Variants in DNAH9 observed in about 807,000 individuals in gnomAD.
DNAH9 encodes dynein axonemal heavy chain 9.
Under a neutral mutation model 471.6 loss-of-function variants are expected in DNAH9, and 345 were observed. The ratio of observed to expected loss-of-function variants is 0.73; its 90% CI spans 0.67 to 0.80. DNAH9 has a LOEUF of 0.80. Among genes scored for constraint, DNAH9 ranks in the 30% least tolerant of loss-of-function variants. DNAH9 has a pLI of 0.00. For missense variants in DNAH9, 5,407 were observed against 5,609.2 expected (o/e 0.96, Z 1.15); for synonymous variants, 2,093 against 2,123.6 (o/e 0.99, Z 0.40).
intron 50 of DNAH9, among the ~76,000 whole-genome samples, chr17:11,861,931 A>T (rs1262953589): frequency 6.6e-6 from 1 of 151,584 alleles, no homozygotes; most frequent in Non-Finnish European, 1.5e-5. Context: ...GCCCTTTGTC[A>T]GATGAGTAGG....
chr17:11,858,961 G>GGT (rs1971723108), intron 50 of DNAH9, among the ~76,000 whole-genome samples: 3 of 151,722 alleles, frequency 2.0e-5, no homozygotes, highest in Admixed American at 2.0e-4. Flanking sequence ...GTACATGCCT[G>GGT]TAATCTCAGC....
At chr17:11,663,298 A>T (rs552161548) in intron 14 of DNAH9, among the ~76,000 whole-genome samples, 1 of 152,346 alleles carries the variant, frequency 6.6e-6, no homozygotes, top group Non-Finnish European at 1.5e-5. Flanking sequence ...TTCCTCAGTC[A>T]GACTCAAGAG....
intron 64 of DNAH9, among the ~76,000 whole-genome samples, chr17:11,933,134 CTTTG>C (rs1974576134): frequency 6.6e-6 from 1 of 152,122 alleles, no homozygotes; most frequent in Non-Finnish European, 1.5e-5. Flanking sequence ...AACTTGTGGG[CTTTG>C]TTTATTCCCT....
chr17:11,893,173 C>G (rs889448509), intron 58 of DNAH9, among the ~76,000 whole-genome samples: 2 of 47,530 alleles, frequency 4.2e-5, no homozygotes, highest in Non-Finnish European at 1.2e-4. Flanking sequence ...ACAGCTTGGC[C>G]TTTGCAAAAA....
chr17:11,651,314 G>C lies in DNAH9; in HGVS notation c.2343G>C (p.Trp781Cys). ...GAGCAGCAGAGGAGACTTTGAACTG[G>C]AAAACAGAAGGTAACAGGGCACCAT... ...RLRAAEETLNWKTEGICDYVT... is the reference protein window; with the variant it reads ...RLRAAEETLNCKTEGICDYVT... Residue 781 changes from tryptophan (W) to cysteine (C), a missense_variant, in exon 13 of 69, where the codon TGG becomes TGC. By Grantham distance (215) the Trp-to-Cys change is radical (BLOSUM62 -2). Coordinates refer to ENST00000262442, the MANE Select transcript of DNAH9 (RefSeq NM_001372.4). The C allele has an allele frequency of 6.2e-7, 1 of 1,612,606 alleles. No homozygotes were observed. The highest frequency in any genetic ancestry group is 8.5e-7 in the Non-Finnish European group (1 of 1,179,526).
chr17:11,969,559 G>T lies in DNAH9; in HGVS notation c.*32G>T, dbSNP rs1364655836. Reference sequence around the variant, plus strand: ...GCAGAGCCACCGAGAAAATAAAAAAGCTGGGCTTGGAGGCTGCCTAGAGGG... The same window carrying T: ...GCAGAGCCACCGAGAAAATAAAAAATCTGGGCTTGGAGGCTGCCTAGAGGG... On this transcript the variant is annotated 3_prime_UTR_variant, in exon 69 of 69. Transcript: ENST00000262442. The T allele has an allele frequency of 1.3e-6, 2 of 1,556,842 alleles. No individual in the cohort carries two copies. Among genetic ancestry groups the T allele is most frequent in the Non-Finnish European group, 1.7e-6 (2 of 1,155,742 alleles).
At chr17:11,857,617 A>G (rs1238974343) in intron 50 of DNAH9, among the ~76,000 whole-genome samples, 1 of 152,252 alleles carries the variant, frequency 6.6e-6, no homozygotes, top group Non-Finnish European at 1.5e-5. Flanking sequence ...GACAGATTTC[A>G]GTTTGATTAC....
chr17:11,789,529 T>C (rs544973014), intron 41 of DNAH9, among the ~76,000 whole-genome samples: 5 of 152,166 alleles, frequency 3.3e-5, no homozygotes, highest in Admixed American at 1.3e-4. Context: ...CTCTTCCTTA[T>C]GTTGGGTATT....
chr17:11,774,600 C>A (rs2150885374), intron 38 of DNAH9, among the ~76,000 whole-genome samples: 1 of 152,242 alleles, frequency 6.6e-6, no homozygotes, highest in Admixed American at 6.5e-5. Flanking sequence ...GCACAGGAAA[C>A]CCGTCCTCAT....
At chr17:11,807,994 C>T (rs2150925087) in intron 44 of DNAH9, 100 bp downstream of exon 44, 2 of 1,325,458 alleles carry the variant, frequency 1.5e-6, no homozygotes, top group East Asian at 5.0e-5. Context: ...TGTCTGGAGC[C>T]TCCCCTTCAA....
rs1205188113 is a variant in DNAH9 at position 11,694,615 on chromosome 17, TTG to T, written c.4872+169_4872+170del. Among the ~76,000 whole-genome samples the T allele has an allele frequency of 5.7e-3, 31 of 5,424 alleles. 2 individuals carry two copies. The highest frequency in any genetic ancestry group is 0.049 in the South Asian group (4 of 82). 3.6% of individuals were successfully genotyped at this position (5,424 alleles called of 152,430 possible). A position where few individuals can be genotyped will look rare whatever the true frequency, so the allele number is the denominator to read the frequency against. On this transcript the variant is annotated intron_variant, in intron 22 of 68. Coordinates refer to ENST00000262442, the MANE Select transcript of DNAH9 (RefSeq NM_001372.4). ...CATACCTCGGAGCTTTCTTGCTTTC[TTG>T]CTTTCTTGCTTTCTTGCTTTCTTGC...
chr17:11,877,130 A>G (rs1006827002), intron 53 of DNAH9, among the ~76,000 whole-genome samples: 1 of 151,956 alleles, frequency 6.6e-6, no homozygotes, highest in Non-Finnish European at 1.5e-5. Context: ...TATATGTTAC[A>G]TATATTTTAC....
intron 27 of DNAH9, among the ~76,000 whole-genome samples, chr17:11,720,395 C>T (rs1477217532): frequency 1.3e-5 from 2 of 152,052 alleles, no homozygotes; most frequent in Non-Finnish European, 2.9e-5. Flanking sequence ...CTATCCCTCC[C>T]CGCTTCCCCC....
chr17:11,642,061 G>C (rs1157543388), intron 10 of DNAH9, among the ~76,000 whole-genome samples: 2 of 152,204 alleles, frequency 1.3e-5, no homozygotes, highest in East Asian at 3.9e-4. Context: ...CCCAAAGAGG[G>C]AGGCAGCGGT....
chr17:11,666,684 T>C (rs2073874410), intron 15 of DNAH9, among the ~76,000 whole-genome samples: 1 of 152,106 alleles, frequency 6.6e-6, no homozygotes, highest in Non-Finnish European at 1.5e-5. Flanking sequence ...AGTGACTCAG[T>C]TGGGTGGCTT....
chr17:11,644,605 T>G (rs1358495062), intron 10 of DNAH9, 26 bp from the exon 11 acceptor site: 1 of 1,554,462 alleles, frequency 6.4e-7, no homozygotes, highest in Admixed American at 1.7e-5. Flanking sequence ...TAATTCTGTG[T>G]CACTTTTTCT....
At chr17:11,826,163 G>C (rs1173508096) in intron 48 of DNAH9, among the ~76,000 whole-genome samples, 1 of 152,158 alleles carries the variant, frequency 6.6e-6, no homozygotes, top group Non-Finnish European at 1.5e-5. Flanking sequence ...CTACTAGGGG[G>C]TGGGTCCTTG....
chr17:11,741,662 T>C (rs556808649), intron 29 of DNAH9, among the ~76,000 whole-genome samples: 92 of 152,148 alleles, frequency 6.0e-4, no homozygotes, highest in Non-Finnish European at 1.1e-3. Context: ...CAAGAGAAAT[T>C]TACATTTGTG....
intron 67 of DNAH9, among the ~76,000 whole-genome samples, chr17:11,956,498 A>C (rs572528431): frequency 3.5e-4 from 54 of 152,340 alleles, no homozygotes; most frequent in African/African-American, 1.3e-3. Context: ...AACCAATTTT[A>C]CAGACACTCC....
Sources: gnomAD v4.1 joint callset for allele counts (sites outside exome capture counted in the v4.1 genomes callset) on GRCh38, gnomAD v4.1.1 for gene constraint, MANE v1.5 for transcripts, NCBI Gene and HGNC (gene_info 2026-07-23, HGNC 2026-07-21) for gene names.